TMEM114: variants seen among roughly 807,000 people sequenced by gnomAD.
TMEM114 encodes the protein claudin-26.
TMEM114 carries 6 observed loss-of-function variants against 6.2 expected under a neutral mutation model. That is an observed-to-expected ratio of 0.97 (90% CI 0.53 to 1.91). TMEM114 has a LOEUF of 1.91. Among genes scored for constraint, TMEM114 ranks in the 40% most tolerant of loss-of-function variants. The pLI, the probability that TMEM114 is intolerant of heterozygous loss-of-function variation, is 0.01. For synonymous variants in TMEM114, 104 were observed against 73.0 expected (o/e 1.42, Z -2.16); for missense variants, 218 against 158.3 (o/e 1.38, Z -2.02).
chr16:8,578,191 C>T (rs1380236888), intron 2 of TMEM114, among the ~76,000 whole-genome samples: 1 of 152,138 alleles, frequency 6.6e-6, no homozygotes. Flanking sequence ...CCTGTGGCCA[C>T]TGTAACACAT....
intron 2 of TMEM114, among the ~76,000 whole-genome samples, chr16:8,583,454 C>G (rs747355715): frequency 1.3e-5 from 2 of 152,128 alleles, no homozygotes; most frequent in Non-Finnish European, 2.9e-5. Context: ...CATCAGAAGT[C>G]ACACAGCTGG....
intron 2 of TMEM114, among the ~76,000 whole-genome samples, chr16:8,563,421 G>GTGAA (rs1158396282): frequency 7.0e-6 from 1 of 143,070 alleles, no homozygotes; most frequent in African/African-American, 2.6e-5. Flanking sequence ...TAATTAGTGA[G>GTGAA]TGAATGAGTG....
At chr16:8,566,376 C>A (rs1464478825), downstream of TMEM114, among the ~76,000 whole-genome samples, 129 of 142,760 alleles carry the variant, frequency 9.0e-4, 3 homozygotes, top group Admixed American at 1.2e-3. Context: ...GACGCAGTCT[C>A]AAAAAAAAAA....
downstream of TMEM114, among the ~76,000 whole-genome samples, chr16:8,565,404 G>A (rs1189569899): frequency 6.6e-6 from 1 of 152,170 alleles, no homozygotes; most frequent in Non-Finnish European, 1.5e-5. Context: ...CAGATAGAGC[G>A]CCTTCTCTGA....
At chr16:8,574,086 C>T (rs915257832) in intron 2 of TMEM114, among the ~76,000 whole-genome samples, 4 of 152,122 alleles carry the variant, frequency 2.6e-5, no homozygotes, top group Non-Finnish European at 5.9e-5. Context: ...AAGAAAAAAA[C>T]TGAGGGAGCC....
chr16:8,569,713 T>C lies in TMEM114; in HGVS notation c.*60A>G. The C allele has an allele frequency of 6.7e-7, 1 of 1,488,300 alleles. No individual in the cohort carries two copies. The allele number at this position is 1,488,300 out of a possible 1,614,324, so 92.2% of individuals were successfully genotyped here. A position where few individuals can be genotyped will look rare whatever the true frequency, so the allele number is the denominator to read the frequency against. ...AAGAAGAGGCCGCAGCCGATGGAGA[T>C]CGGTCGGTGAAGCTCCGGGGCCAAG... On this transcript the variant is annotated 3_prime_UTR_variant, in exon 4 of 4. Coordinates refer to ENST00000620492, the MANE Select transcript of TMEM114 (RefSeq NM_001146336.2).
rs989262274 is a variant in TMEM114 at position 8,547,201 on chromosome 16, A to G, written n.213-9375T>C. Among the ~76,000 whole-genome samples the G allele has an allele frequency of 2.6e-5, 4 of 152,080 alleles. No homozygotes were observed. In the South Asian group the frequency reaches 8.3e-4, roughly 32 times the overall value. On this transcript the variant is annotated intron_variant and non_coding_transcript_variant, in intron 2 of 2. Transcript: ENST00000623677. ...AGCTGAAAGTTGTCATGATTTTTGC[A>G]TTAAAGACACCATCCCAGCAGCTGT...
At chr16:8,570,037 TC>T in intron 3 of TMEM114, 32 bp from the exon 4 acceptor site, 1 of 1,528,100 alleles carries the variant, frequency 6.5e-7, no homozygotes, top group Non-Finnish European at 8.8e-7. Context: ...AGCAGATCAA[TC>T]CCCCACCCCG....
chr16:8,559,391 G>C lies in TMEM114; in HGVS notation n.213-21565C>G, dbSNP rs568875814. On this transcript the variant is annotated intron_variant and non_coding_transcript_variant, in intron 2 of 2. Coordinates refer to the TMEM114 transcript ENST00000623677. ...TAGCTGCTTCCATCGCACAGATCAG[G>C]ACCAACGTCCCAGCTGTGGAGAAAA... Among the ~76,000 whole-genome samples, 7 of 147,184 alleles carry C rather than the reference G, an allele frequency of 4.8e-5. No homozygotes were observed. The South Asian group carries it at 1.6e-3, about 33-fold the overall frequency.
chr16:8,572,394 T>C (rs1455317473), intron 2 of TMEM114, 170 bp from the exon 3 acceptor site: 1 of 727,026 alleles, frequency 1.4e-6, no homozygotes. Flanking sequence ...ATGACAACAG[T>C]GGTTGAGGCT....
chr16:8,567,520 T>C (rs1197187657), downstream of TMEM114, among the ~76,000 whole-genome samples: 1 of 152,258 alleles, frequency 6.6e-6, no homozygotes, highest in Non-Finnish European at 1.5e-5. Flanking sequence ...TGTCTCAGCA[T>C]GTCCCAAGGT....
chr16:8,569,028 G>T (rs1041428237), downstream of TMEM114, among the ~76,000 whole-genome samples: 1 of 152,206 alleles, frequency 6.6e-6, no homozygotes, highest in Non-Finnish European at 1.5e-5. Flanking sequence ...AGGCCTCCTG[G>T]CTCAGACACC....
chr16:8,534,703 T>C (rs1900306588), downstream of TMEM114, among the ~76,000 whole-genome samples: 1 of 152,230 alleles, frequency 6.6e-6, no homozygotes, highest in Non-Finnish European at 1.5e-5. Context: ...CCTTTGATCC[T>C]CAGGACTCTC....
At chr16:8,542,311 A>G (rs1900539095) in intron 2 of TMEM114, among the ~76,000 whole-genome samples, 2 of 152,174 alleles carry the variant, frequency 1.3e-5, no homozygotes, top group African/African-American at 4.8e-5. Context: ...ATCTTACAAG[A>G]GATGTTTTAT....
At chr16:8,579,868 T>TG (rs1225698045) in intron 2 of TMEM114, among the ~76,000 whole-genome samples, 1 of 152,124 alleles carries the variant, frequency 6.6e-6, no homozygotes, top group Non-Finnish European at 1.5e-5. Flanking sequence ...AAAGGGGTCG[T>TG]GGGACTGCAG....
intron 2 of TMEM114, among the ~76,000 whole-genome samples, chr16:8,558,052 G>A (rs1032602892): frequency 3.9e-5 from 6 of 152,050 alleles, no homozygotes; most frequent in East Asian, 1.9e-4. Flanking sequence ...TCAGGAGCTC[G>A]ACACCAGCTT....
chr16:8,550,397 C>A (rs1284148574), intron 2 of TMEM114, among the ~76,000 whole-genome samples: 1 of 152,196 alleles, frequency 6.6e-6, no homozygotes, highest in East Asian at 1.9e-4. Context: ...CTGGTCCCTC[C>A]TGGCCGGGTG....
intron 2 of TMEM114, among the ~76,000 whole-genome samples, chr16:8,548,456 C>T (rs1360427023): frequency 3.3e-5 from 5 of 152,070 alleles, no homozygotes; most frequent in African/African-American, 9.7e-5. Context: ...TTATTACCTC[C>T]CTGATGAGTC....
intron 2 of TMEM114, among the ~76,000 whole-genome samples, 154 bp downstream of exon 2, chr16:8,589,059 G>A (rs1902402458): frequency 6.6e-6 from 1 of 152,170 alleles, no homozygotes; most frequent in Non-Finnish European, 1.5e-5. Context: ...CCTGCCCCCC[G>A]GTCTTAAGCC....
Sources: gnomAD v4.1 joint callset for allele counts (sites outside exome capture counted in the v4.1 genomes callset) on GRCh38, gnomAD v4.1.1 for gene constraint, MANE v1.5 for transcripts, NCBI Gene and HGNC (gene_info 2026-07-23, HGNC 2026-07-21) for gene names.